SHROOM3: variants seen among roughly 807,000 people sequenced by gnomAD.
SHROOM3 encodes protein Shroom3.
A neutral mutation model predicts 138.6 loss-of-function variants in SHROOM3; 47 were observed. The observed-to-expected ratio is 0.34, with a 90% CI of 0.27 to 0.43. The LOEUF is 0.43. Ranked by LOEUF, SHROOM3 falls within the 20% of genes least tolerant of loss-of-function variation. The pLI, the probability that SHROOM3 is intolerant of heterozygous loss-of-function variation, is 1.00. For synonymous variants in SHROOM3, 1,062 were observed against 1,063.3 expected (o/e 1.00, Z 0.02); for missense variants, 2,491 against 2,596.5 (o/e 0.96, Z 0.88).
intron 5 of SHROOM3, among the ~76,000 whole-genome samples, chr4:76,745,162 G>C (rs1028982114): frequency 2.0e-5 from 3 of 152,192 alleles, no homozygotes; most frequent in African/African-American, 7.2e-5. Context: ...ACTCTTGCCT[G>C]TTTCCACTTT....
At chr4:76,560,209 C>A (rs1046331512) in intron 2 of SHROOM3, among the ~76,000 whole-genome samples, 1 of 152,012 alleles carries the variant, frequency 6.6e-6, no homozygotes, top group South Asian at 2.1e-4. Context: ...GATCGGGTAA[C>A]CTTTAAAATG....
chr4:76,523,750 G>A (rs978544467), intron 1 of SHROOM3, among the ~76,000 whole-genome samples: 1 of 152,152 alleles, frequency 6.6e-6, no homozygotes, highest in African/African-American at 2.4e-5. Flanking sequence ...GCGTTTCCAT[G>A]AGCAGTGACA....
chr4:76,442,378 T>C (rs765137520), intron 1 of SHROOM3, among the ~76,000 whole-genome samples: 10 of 151,552 alleles, frequency 6.6e-5, no homozygotes, highest in Middle Eastern at 3.4e-3. Context: ...AGGAAGTAAT[T>C]GCTTTCTCTG....
chr4:76,528,339 TCTTC>T (rs141001646), intron 1 of SHROOM3, among the ~76,000 whole-genome samples: 60,078 of 129,566 alleles, frequency 0.46, 14,282 homozygotes, highest in African/African-American at 0.57. Flanking sequence ...TTCTTCTTCT[TCTTC>T]TTTTTTTTTT....
chr4:76,440,381 C>G (rs985866021), intron 1 of SHROOM3, among the ~76,000 whole-genome samples: 13 of 152,198 alleles, frequency 8.5e-5, no homozygotes, highest in African/African-American at 2.9e-4. Flanking sequence ...GCCTCACACC[C>G]TATGCCATTC....
intron 2 of SHROOM3, among the ~76,000 whole-genome samples, chr4:76,558,626 G>T (rs1466929172): frequency 6.6e-6 from 1 of 152,170 alleles, no homozygotes; most frequent in Non-Finnish European, 1.5e-5. Context: ...TTAATTCACA[G>T]TATCCAAATC....
At chr4:76,555,568 GA>G in intron 1 of SHROOM3, 40 bp from the exon 2 acceptor site, 2 of 1,611,344 alleles carry the variant, frequency 1.2e-6, no homozygotes, top group Middle Eastern at 2.2e-4. Flanking sequence ...CAGGCCAGGG[GA>G]AAGCTCACTC....
At chr4:76,629,371 G>A (rs1001799568) in intron 2 of SHROOM3, among the ~76,000 whole-genome samples, 3 of 152,346 alleles carry the variant, frequency 2.0e-5, no homozygotes, top group Admixed American at 6.5e-5. Flanking sequence ...AAGAGGTAAC[G>A]GGTATGTGGG....
intron 1 of SHROOM3, among the ~76,000 whole-genome samples, chr4:76,446,421 G>A (rs996228305): frequency 8.1e-5 from 6 of 73,776 alleles, no homozygotes; most frequent in Middle Eastern, 5.6e-3. Context: ...AAATGGCGGC[G>A]GTGGGGGATG....
Position 76,756,920 on chromosome 4 carries a change from A to T in SHROOM3, c.5181A>T (p.Ser1727=), listed in dbSNP as rs1560617478. The T allele has an allele frequency of 6.2e-7, 1 of 1,614,054 alleles. No individual in the cohort carries two copies. The highest frequency in any genetic ancestry group is 1.3e-5 in the African/African-American group (1 of 75,054). Residue 1727 remains serine, a synonymous_variant, in exon 8 of 11, where the codon TCA becomes TCT. Coordinates refer to ENST00000296043, the MANE Select transcript of SHROOM3 (RefSeq NM_020859.4). ...CCATACAGAGAACTGTCAGCTCTTC[A>T]GGATGTGAAGGCAAGAGGTAAGTCC... The part of the protein sequence containing the change: ...RKAIQRTVSS[S]GCEGKRNEDK...
intron 2 of SHROOM3, among the ~76,000 whole-genome samples, chr4:76,676,915 C>T (rs1362464452): frequency 1.4e-5 from 2 of 143,100 alleles, no homozygotes; most frequent in African/African-American, 5.3e-5. Context: ...TGCACTCCAG[C>T]CTGGGCGACA....
intron 2 of SHROOM3, among the ~76,000 whole-genome samples, chr4:76,663,684 T>C (rs957587293): frequency 2.6e-5 from 4 of 152,202 alleles, no homozygotes; most frequent in African/African-American, 9.6e-5. Context: ...TGCACACTGC[T>C]GCGCACAGCT....
At chr4:76,651,184 A>C (rs1290552742) in intron 2 of SHROOM3, among the ~76,000 whole-genome samples, 1 of 152,014 alleles carries the variant, frequency 6.6e-6, no homozygotes, top group Non-Finnish European at 1.5e-5. Flanking sequence ...GGGTAAAAAC[A>C]AAATGGAAAG....
At position 76,646,817 on chromosome 4, in the gene SHROOM3, G is replaced by A. The variant is rs183478749; in HGVS notation, c.324-63339G>A. Among the ~76,000 whole-genome samples, 13 of 152,280 alleles carry A rather than the reference G, an allele frequency of 8.5e-5. No individual in the cohort carries two copies. In the East Asian group the frequency reaches 2.3e-3, roughly 27 times the overall value. ...GAAAAGGCAACTCTTATACACTGTT[G>A]GTGGGAGCGTAAATTAGTCCAGCCA... On this transcript the variant is annotated intron_variant, in intron 2 of 10. Transcript: ENST00000296043.
chr4:76,640,173 A>G (rs1735624851), intron 2 of SHROOM3, among the ~76,000 whole-genome samples: 1 of 152,074 alleles, frequency 6.6e-6, no homozygotes, highest in African/African-American at 2.4e-5. Flanking sequence ...ATACCCTGTG[A>G]GGGGGTGAGG....
intron 1 of SHROOM3, among the ~76,000 whole-genome samples, chr4:76,539,615 C>T (rs780201253): frequency 9.2e-5 from 14 of 152,246 alleles, no homozygotes; most frequent in East Asian, 3.9e-4. Flanking sequence ...ACTTAATCCT[C>T]GCAGCAATTC....
intron 1 of SHROOM3, among the ~76,000 whole-genome samples, chr4:76,483,850 G>A (rs28635349): frequency 0.048 from 7,346 of 152,224 alleles, 207 homozygotes; most frequent in Middle Eastern, 0.075. Context: ...CAGGGGCATG[G>A]ATGAAGCTAG....
At chr4:76,527,452 G>A (rs1054594618) in intron 1 of SHROOM3, among the ~76,000 whole-genome samples, 7 of 152,080 alleles carry the variant, frequency 4.6e-5, no homozygotes, top group African/African-American at 2.4e-5. Flanking sequence ...GCATAGTGGC[G>A]CATGCCTGTA....
intron 2 of SHROOM3, among the ~76,000 whole-genome samples, chr4:76,706,459 C>T (rs1011407040): frequency 7.9e-5 from 12 of 152,132 alleles, no homozygotes; most frequent in Admixed American, 2.0e-4. Context: ...AGAGAAAATA[C>T]GTTTACTATT....
Sources: allele counts gnomAD v4.1 joint callset (sites outside exome capture counted in the v4.1 genomes callset), GRCh38; gene constraint gnomAD v4.1.1; transcripts MANE v1.5; gene names NCBI Gene and HGNC (gene_info 2026-07-23, HGNC 2026-07-21).